Variants in CLN5 observed in about 807,000 individuals in gnomAD.
CLN5 encodes bis(monoacylglycero)phosphate synthase CLN5.
Under a neutral mutation model 36.7 loss-of-function variants are expected in CLN5, and 34 were observed. That is an observed-to-expected ratio of 0.93 (90% CI 0.71 to 1.23). The LOEUF (loss-of-function observed/expected upper bound fraction) is 1.23. Ranked by LOEUF, CLN5 falls within the 50% of genes most tolerant of loss-of-function variation. The pLI, the probability that CLN5 is intolerant of heterozygous loss-of-function variation, is 0.00. For synonymous variants in CLN5, 151 were observed against 155.1 expected, an observed-to-expected ratio of 0.97 and a Z score of 0.20; for missense variants, 427 against 439.4, an observed-to-expected ratio of 0.97 and a Z score of 0.25.
intron 1 of CLN5, chr13:76,994,056 T>C (rs1188505577): frequency 1.9e-4 from 29 of 152,234 alleles, no homozygotes; most frequent in Admixed American, 1.8e-3. Flanking sequence ...CTCTCATGTT[T>C]TATTTGGCCT....
Position 77,001,030 on chromosome 13 carries a change from A to C in CLN5, c.*61A>C. ...ACCAGCATCTGTTTTTCAGGGGGTG[A>C]TTTTACTTTTGTGAATTCCTTAGCC... is the stretch of plus-strand genomic sequence containing the variant. On this transcript the variant is annotated 3_prime_UTR_variant, in exon 4 of 4. Coordinates refer to ENST00000377453, the MANE Select transcript of CLN5 (RefSeq NM_006493.4). The C allele has an allele frequency of 6.7e-7, 1 of 1,483,002 alleles. No homozygotes were observed. The highest frequency in any genetic ancestry group is 9.2e-7 in the Non-Finnish European group (1 of 1,082,120). 91.9% of individuals were successfully genotyped at this position (1,483,002 alleles called of 1,614,324 possible). A position where few individuals can be genotyped will look rare whatever the true frequency, so the allele number is the denominator to read the frequency against.
At position 76,992,185 on chromosome 13, in the gene CLN5, C is replaced by G. The variant is rs138037471; in HGVS notation, c.87C>G (p.Ala29=). ...AARGRASWCW[A]LALLWLAVVP... ...GGGGACGCGCTTCCTGGTGCTGGGC[C>G]CTGGCGCTGCTTTGGCTCGCGGTGG... The change falls in exon 1 of 4, where the codon GCC becomes GCG. Residue 29 remains alanine, a synonymous_variant. Transcript: ENST00000377453. 0.031 allele frequency: 49,699 copies of G among 1,605,390 alleles called. 914 individuals carry two copies. Among genetic ancestry groups the G allele is most frequent in the Non-Finnish European group, 0.035 (41,815 of 1,177,994 alleles).
At chr13:76,993,859 TG>T (rs1166168709) in intron 1 of CLN5, 1 of 152,200 alleles carries the variant, frequency 6.6e-6, no homozygotes, top group East Asian at 1.9e-4. Context: ...GCTACAACCT[TG>T]GGGATCTAGG....
rs374080049 is a variant in CLN5, at chr13:76,992,249, C to A, written c.151C>A (p.Arg51Ser). Residue 51 changes from arginine (R) to serine (S), a missense_variant, in exon 1 of 4, where the codon CGC becomes AGC. Transcript: ENST00000377453. The part of the protein sequence containing the change: ...WSRVSGIPSR[R>S]HWPVPYKRFD... The stretch of plus-strand genomic sequence containing the variant: ...CCGGGTCTCGGGCATCCCCTCCCGG[C>A]GCCACTGGCCGGTGCCCTACAAGTG... The A allele has an allele frequency of 1.0e-5, 16 of 1,580,988 alleles. No homozygotes were observed. The highest frequency in any genetic ancestry group is 1.4e-5 in the Non-Finnish European group (16 of 1,170,028).
intron 3 of CLN5, chr13:76,998,413 T>C (rs2034303902): frequency 6.6e-6 from 1 of 152,142 alleles, no homozygotes; most frequent in Non-Finnish European, 1.5e-5. Context: ...TACCATAGCA[T>C]TTGAGAAGTA....
In CLN5 at chr13:76,992,234, G is replaced by T. The variant is rs775102823; in HGVS notation, c.136G>T (p.Gly46Cys). ...GGTTCCGGGCTGGTCCCGGGTCTCG[G>T]GCATCCCCTCCCGGCGCCACTGGCC... The part of the protein sequence containing the change: ...AVVPGWSRVS[G>C]IPSRRHWPVP... Residue 46 changes from glycine (G) to cysteine (C), a missense_variant, in exon 1 of 4, where the codon GGC becomes TGC. Gly to Cys is a radical substitution (Grantham distance 159). Coordinates refer to ENST00000377453, the MANE Select transcript of CLN5 (RefSeq NM_006493.4). 4.5e-5 allele frequency: 72 copies of T among 1,593,616 alleles called. No individual in the cohort carries two copies. The highest frequency in any genetic ancestry group is 5.9e-5 in the Non-Finnish European group (69 of 1,175,272).
chr13:76,995,806 AT>A, intron 2 of CLN5, 95 bp from the exon 3 acceptor site: 1 of 864,766 alleles, frequency 1.2e-6, no homozygotes, highest in Non-Finnish European at 2.0e-6. Context: ...GTTCTACTTG[AT>A]ATGCATTTGT....
chr13:76,998,768 C>T (rs2034310916), intron 3 of CLN5: 3 of 152,120 alleles, frequency 2.0e-5, no homozygotes, highest in Admixed American at 6.5e-5. Context: ...ATCTGTTAGC[C>T]GAATGCACCA....
At position 76,995,921 on chromosome 13, in the gene CLN5, T is replaced by C; in HGVS notation, c.359T>C (p.Ile120Thr). ...ACACAGAAAATTATGCATGATGCCA[T>C]TGGATTCAGAAGTACATTAACTGGC... Reference protein sequence around the residue: ...LGHLKIMHDAIGFRSTLTGKN... With the variant: ...LGHLKIMHDATGFRSTLTGKN... Residue 120 changes from isoleucine to threonine, a missense_variant, in exon 3 of 4, where the codon ATT (isoleucine) becomes ACT (threonine). Transcript: ENST00000377453. 6.2e-7 allele frequency: 1 copy of C among 1,614,094 alleles called. No homozygotes were observed. The highest frequency in any genetic ancestry group is 8.5e-7 in the Non-Finnish European group (1 of 1,179,936).
intron 1 of CLN5, 45 bp downstream of exon 1, chr13:76,992,316 GACGAT>G: frequency 6.8e-7 from 1 of 1,474,584 alleles, no homozygotes. Context: ...GGTCGGCGTT[GACGAT>G]GGGGGATGGG....
chr13:76,994,956 G>T, intron 1 of CLN5, 107 bp from the exon 2 acceptor site: 1 of 950,140 alleles, frequency 1.1e-6, no homozygotes. Context: ...ATTAACTATG[G>T]TCCGACCTTT....
Position 77,004,037 on chromosome 13 carries a change from T to C in CLN5, c.*3068T>C, listed in dbSNP as rs556069784. On this transcript the variant is annotated 3_prime_UTR_variant, in exon 4 of 4. Transcript: ENST00000377453. ...ATCTCCTCATTAATCTGGCACAAAATTAGTTAAGTAAGTATACCCACAAAG... is the reference window on the plus strand; with the variant it reads ...ATCTCCTCATTAATCTGGCACAAAACTAGTTAAGTAAGTATACCCACAAAG... 6.6e-6 allele frequency: 1 copy of C among 152,284 alleles called. No homozygotes were observed. Among genetic ancestry groups the C allele is most frequent in the East Asian group, 1.9e-4 (1 of 5,188 alleles). The allele number at this position is 152,284 out of a possible 1,614,324, so 9.4% of individuals were successfully genotyped here.
In CLN5 at chr13:77,004,267, A is replaced by AAAT. The variant is rs2034412385; in HGVS notation, c.*3300_*3302dup. 1 of 152,202 alleles carries AAAT rather than the reference A, an allele frequency of 6.6e-6. No individual in the cohort carries two copies. The highest frequency in any genetic ancestry group is 1.5e-5 in the Non-Finnish European group (1 of 68,016). The allele number at this position is 152,202 out of a possible 1,614,324, so 9.4% of individuals were successfully genotyped here. On this transcript the variant is annotated 3_prime_UTR_variant, in exon 4 of 4. Transcript: ENST00000377453. ...GTTCCTGTAAGATGTTTTATTTTTT[A>AAAT]AATAGTTGGCAGGCTATACAAAGAG... is the stretch of plus-strand genomic sequence containing the variant.
chr13:76,996,550 G>T, intron 3 of CLN5: 1 of 194,904 alleles, frequency 5.1e-6, no homozygotes, highest in East Asian at 1.4e-4. Context: ...ACAATGTTTG[G>T]TTTTCTATTC....
intron 1 of CLN5, 56 bp downstream of exon 1, chr13:76,992,327 A>C: frequency 1.7e-6 from 1 of 599,428 alleles, no homozygotes; most frequent in South Asian, 1.6e-5. Flanking sequence ...ACGATGGGGG[A>C]TGGGGTGCTG....
At chr13:76,993,406 G>A (rs2034212744) in intron 1 of CLN5, 2 of 152,208 alleles carry the variant, frequency 1.3e-5, no homozygotes, top group African/African-American at 4.8e-5. Context: ...AGAGAAGTTT[G>A]TGGTTGAAGC....
intron 1 of CLN5, chr13:76,993,812 G>T (rs2034219919): frequency 6.6e-6 from 1 of 152,106 alleles, no homozygotes; most frequent in Admixed American, 6.5e-5. Flanking sequence ...AGTTAAAATA[G>T]AAATTTTTGT....
chr13:76,992,466 G>A, intron 1 of CLN5, 195 bp downstream of exon 1: 1 of 631,846 alleles, frequency 1.6e-6, no homozygotes, highest in Non-Finnish European at 2.7e-6. Flanking sequence ...CTCGTTACGT[G>A]CAGCCCTGGG....
At chr13:76,995,836 C>T in intron 2 of CLN5, 66 bp from the exon 3 acceptor site, 6 of 1,189,474 alleles carry the variant, frequency 5.0e-6, no homozygotes, top group Admixed American at 1.7e-5. Context: ...ACATTTTCTC[C>T]TATCAGGTTA....
Sources: allele counts gnomAD v4.1 joint callset, GRCh38; gene constraint gnomAD v4.1.1; transcripts MANE v1.5; gene names NCBI Gene and HGNC (gene_info 2026-07-23, HGNC 2026-07-21).